Variants in SYNE1 observed in about 807,000 individuals in gnomAD.
SYNE1 encodes spectrin repeat containing nuclear envelope protein 1, also known as nesprin-1.
A neutral mutation model predicts 1,111.0 loss-of-function variants in SYNE1; 616 were observed. The ratio of observed to expected loss-of-function variants is 0.55; its 90% CI spans 0.52 to 0.59. The LOEUF (loss-of-function observed/expected upper bound fraction) is 0.59, where lower values mean the gene tolerates loss of function less well. Ranked by LOEUF, SYNE1 falls within the 20% of genes least tolerant of loss-of-function variation. The pLI is 0.00. For synonymous variants in SYNE1, 3,855 were observed against 3,825.8 expected (o/e 1.01, Z -0.28); for missense variants, 10,006 against 10,417.0 (o/e 0.96, Z 1.72).
chr6:152,305,014 A>C (rs1204771603), intron 91 of SYNE1, among the ~76,000 whole-genome samples: 1 of 152,176 alleles, frequency 6.6e-6, no homozygotes, highest in African/African-American at 2.4e-5. Flanking sequence ...GGTCAAATCC[A>C]CTAAAATAAA....
chr6:152,222,297 T>C (rs2153470417), intron 117 of SYNE1, among the ~76,000 whole-genome samples: 1 of 152,330 alleles, frequency 6.6e-6, no homozygotes, highest in South Asian at 2.1e-4. Flanking sequence ...TCATTTTCCT[T>C]GCTACCCCAA....
In SYNE1 at chr6:152,180,153, T is replaced by C. The variant is rs750426894; in HGVS notation, c.23443A>G (p.Ile7815Val). The C allele has an allele frequency of 1.1e-5, 18 of 1,614,008 alleles. No homozygotes were observed. The highest frequency in any genetic ancestry group is 5.5e-5 in the South Asian group (5 of 91,088). The change falls in exon 129 of 146, where the codon ATA becomes GTA. Residue 7815 changes from isoleucine to valine, a missense_variant. Ile to Val is a conservative substitution (Grantham distance 29). Around this residue, in one of 7 missense-constraint regions of SYNE1, gnomAD observed 2,182 missense variants for 2,287.8 expected, o/e 0.95. Transcript: ENST00000367255. Reference sequence around the variant, plus strand: ...TTCCATACCTTCTTGAGCTTCTCTATCATTTCTTCAATGAGAATGTCTCCA... The same window carrying C: ...TTCCATACCTTCTTGAGCTTCTCTACCATTTCTTCAATGAGAATGTCTCCA... ...QNGDILIEEM[I>V]EKLKKDYQEE...
chr6:152,615,131 A>AT (rs1211630028), intron 3 of SYNE1, among the ~76,000 whole-genome samples: 1 of 152,092 alleles, frequency 6.6e-6, no homozygotes, highest in Non-Finnish European at 1.5e-5. Flanking sequence ...AAAAAGAAAG[A>AT]TTTTTTTCCA....
At chr6:152,203,297 A>T (rs943261536) in intron 126 of SYNE1, among the ~76,000 whole-genome samples, 1 of 145,768 alleles carries the variant, frequency 6.9e-6, no homozygotes, top group African/African-American at 2.5e-5. Flanking sequence ...GCAGAGCTTG[A>T]TCTTTTTTAT....
chr6:152,369,390 T>C, intron 60 of SYNE1, 81 bp downstream of exon 60: 1 of 1,597,338 alleles, frequency 6.3e-7, no homozygotes, highest in Non-Finnish European at 8.6e-7. Context: ...AACTCAAGGG[T>C]GCTGAGCATG....
intron 14 of SYNE1, among the ~76,000 whole-genome samples, chr6:152,476,628 C>T (rs1394020123): frequency 1.3e-5 from 2 of 152,062 alleles, no homozygotes; most frequent in African/African-American, 2.4e-5. Flanking sequence ...AATTCCAGCA[C>T]TTTAGGAGGG....
At position 152,254,971 on chromosome 6, in the gene SYNE1, C is replaced by A. The variant is rs765593247; in HGVS notation, c.19379G>T (p.Cys6460Phe). 6.2e-7 allele frequency: 1 copy of A among 1,614,016 alleles called. No homozygotes were observed. The highest frequency in any genetic ancestry group is 2.2e-5 in the East Asian group (1 of 44,832). Residue 6460 changes from cysteine (C) to phenylalanine (F), a missense_variant, in exon 104 of 146, where the codon TGT becomes TTT. Physicochemically the swap from Cys to Phe is radical, Grantham distance 205. Transcript: ENST00000367255. ...TAGCAAGGATAACCTGCCCAAAAGA[C>A]AACCCAAAGTATCTTCAATAACATC... ...NRDVIEDTLG[C>F]LLGRLSLLDS...
chr6:152,300,409 T>G (rs1434753118), intron 93 of SYNE1, among the ~76,000 whole-genome samples: 2 of 152,220 alleles, frequency 1.3e-5, no homozygotes, highest in African/African-American at 4.8e-5. Context: ...TTCTGGGCTA[T>G]CATTCCCATG....
intron 64 of SYNE1, among the ~76,000 whole-genome samples, chr6:152,360,752 T>G (rs192424495): frequency 5.3e-5 from 8 of 152,314 alleles, no homozygotes; most frequent in Middle Eastern, 3.4e-3. Flanking sequence ...AGATAATACA[T>G]GCAGGTATTT....
rs774381746 is a variant in SYNE1, at chr6:152,331,399, T to C, written c.13286A>G (p.Asp4429Gly). The stretch of plus-strand genomic sequence containing the variant: ...GAGACAATTCACGTGGCTTTGTGCA[T>C]CAGAGAGAGCCTTCTGGATGACCTG... ...ERQVIQKALS[D>G]AQSHVNCLSD... Residue 4429 changes from aspartate to glycine, a missense_variant, in exon 78 of 146, where the codon GAT (aspartate) becomes GGT (glycine). Coordinates refer to ENST00000367255, the MANE Select transcript of SYNE1 (RefSeq NM_182961.4). The C allele has an allele frequency of 6.2e-7, 1 of 1,614,072 alleles. No homozygotes were observed. The highest frequency in any genetic ancestry group is 1.3e-5 in the African/African-American group (1 of 74,918).
At chr6:152,258,151 C>T (rs2091283763) in intron 101 of SYNE1, among the ~76,000 whole-genome samples, 1 of 152,168 alleles carries the variant, frequency 6.6e-6, no homozygotes, top group African/African-American at 2.4e-5. Flanking sequence ...AAAAGTATGA[C>T]AGAAAACTGT....
In SYNE1 at chr6:152,391,512, C is replaced by T; in HGVS notation, c.7769G>A (p.Gly2590Asp). 6.2e-7 allele frequency: 1 copy of T among 1,612,688 alleles called. No homozygotes were observed. The highest frequency in any genetic ancestry group is 1.3e-5 in the African/African-American group (1 of 74,590). ...ACACAGGCGGCCCTCCTGCCCAGCA[C>T]CGTGGCCTTCTTCACTCAGAAGCTG... Reference protein sequence around the residue: ...RGQLLSEEGHGAGQEGRLCSQ... With the variant: ...RGQLLSEEGHDAGQEGRLCSQ... Residue 2590 changes from glycine to aspartate, a missense_variant, in exon 52 of 146, where the codon GGT becomes GAT. By Grantham distance (94) the Gly-to-Asp change is moderately conservative. Around this residue, in one of 7 missense-constraint regions of SYNE1, gnomAD observed 4,955 missense variants for 5,017.2 expected, o/e 0.99. Coordinates refer to ENST00000367255, the MANE Select transcript of SYNE1 (RefSeq NM_182961.4).
chr6:152,188,807 A>C (rs1276760348), intron 128 of SYNE1, among the ~76,000 whole-genome samples: 1 of 150,752 alleles, frequency 6.6e-6, no homozygotes, highest in Non-Finnish European at 1.5e-5. Context: ...AAATACAAAA[A>C]ATTAGCTGGG....
intron 25 of SYNE1, among the ~76,000 whole-genome samples, chr6:152,451,410 G>T (rs931532559): frequency 2.7e-5 from 4 of 150,636 alleles, no homozygotes; most frequent in Non-Finnish European, 5.9e-5. Flanking sequence ...AGTCTGCTGT[G>T]GGTTAGGTGT....
intron 102 of SYNE1, 98 bp from the exon 103 acceptor site, chr6:152,255,844 T>G: frequency 7.2e-7 from 1 of 1,395,264 alleles, no homozygotes; most frequent in East Asian, 2.3e-5. Context: ...ACACCTGTAA[T>G]CTGAGCACTT....
rs2154182197 is a variant in SYNE1, at chr6:152,416,639, G to A, written c.5798C>T (p.Ala1933Val). The change falls in exon 41 of 146, where the codon GCC becomes GTC. Residue 1933 changes from alanine (A) to valine (V), a missense_variant. This residue lies in a region of SYNE1 where 4,955 missense variants were observed against 5,017.2 expected (regional missense o/e 0.99). Transcript: ENST00000367255. Reference sequence around the variant, plus strand: ...GCTCCCGATTTTCAGATGGTATTGGGCTTTGGAAAGAATGCCATCCAGACT... The same window carrying A: ...GCTCCCGATTTTCAGATGGTATTGGACTTTGGAAAGAATGCCATCCAGACT... ...AVSLDGILSK[A>V]QYHLKIGSSE... is the part of the protein sequence containing the mutation. The A allele has an allele frequency of 6.2e-7, 1 of 1,614,184 alleles. No individual in the cohort carries two copies. Among genetic ancestry groups the A allele is most frequent in the South Asian group, 1.1e-5 (1 of 91,084 alleles).
intron 101 of SYNE1, among the ~76,000 whole-genome samples, chr6:152,261,160 G>A (rs913570110): frequency 3.9e-5 from 6 of 152,120 alleles, no homozygotes; most frequent in African/African-American, 1.2e-4. Context: ...AGCAGCTTCC[G>A]CAGAGCAACA....
chr6:152,124,881 C>A (rs913505366), intron 145 of SYNE1, among the ~76,000 whole-genome samples: 2 of 152,146 alleles, frequency 1.3e-5, no homozygotes, highest in Non-Finnish European at 2.9e-5. Context: ...AAGGACAGTT[C>A]ATGTTTACTC....
intron 6 of SYNE1, among the ~76,000 whole-genome samples, chr6:152,518,579 C>A (rs2154346308): frequency 6.6e-6 from 1 of 152,154 alleles, no homozygotes. Context: ...AACCATGAGC[C>A]AATTAAACCT....
Sources: gnomAD v4.1 joint callset for allele counts (sites outside exome capture counted in the v4.1 genomes callset) on GRCh38, gnomAD v4.1.1 for gene constraint, gnomAD v4.1.1 regional missense constraint, MANE v1.5 for transcripts, NCBI Gene and HGNC (gene_info 2026-07-23, HGNC 2026-07-21) for gene names.